OC90: variants seen among roughly 807,000 people sequenced by gnomAD.
The protein encoded by OC90 is otoconin 90.
OC90 carries 46 observed loss-of-function variants against 47.3 expected under a neutral mutation model. That is an observed-to-expected ratio of 0.97 (90% CI 0.77 to 1.24). OC90 has a LOEUF of 1.24. Among genes scored for constraint, OC90 ranks in the 50% most tolerant of loss-of-function variants. The pLI is 0.00. For missense variants in OC90, 688 were observed against 583.9 expected (o/e 1.18, Z -1.84); for synonymous variants, 271 against 219.5 (o/e 1.23, Z -2.07).
chr8:132,036,965 C>T (rs1822974583), intron 9 of OC90, among the ~76,000 whole-genome samples: 3 of 152,206 alleles, frequency 2.0e-5, no homozygotes, highest in Admixed American at 2.0e-4. Context: ...CCCATGCTTG[C>T]TCTCATTTAA....
rs140906608 is a variant in OC90, at chr8:132,045,879, G to A, written c.51C>T (p.Gly17=). Residue 17 remains glycine, a synonymous_variant, in exon 3 of 14, where the codon GGC becomes GGT. Transcript: ENST00000254627. ...GAAGATGTGGAGTGTCCAGAGGATGGCCTCCTATAAATAAGGAAGAGAAAG... is the reference window on the plus strand; with the variant it reads ...GAAGATGTGGAGTGTCCAGAGGATGACCTCCTATAAATAAGGAAGAGAAAG... The part of the protein sequence containing the change: ...TSVLMIPHAG[G]HPLDTPHLPQ... The A allele has an allele frequency of 3.5e-4, 530 of 1,533,574 alleles. 6 individuals are homozygous for A. The East Asian group carries it at 8.9e-3, about 26-fold the overall frequency. The allele number at this position is 1,533,574 out of a possible 1,614,324, so 95.0% of individuals were successfully genotyped here. A position where few individuals can be genotyped will look rare whatever the true frequency, so the allele number is the denominator to read the frequency against.
chr8:132,054,380 C>T (rs1057155038), intron 2 of OC90, among the ~76,000 whole-genome samples: 11 of 152,328 alleles, frequency 7.2e-5, no homozygotes, highest in African/African-American at 7.2e-5. Context: ...TTTTTCCTCA[C>T]AGGTGTTTCC....
chr8:132,026,304 G>A (rs748352636), intron 13 of OC90, among the ~76,000 whole-genome samples: 28 of 152,094 alleles, frequency 1.8e-4, no homozygotes, highest in Non-Finnish European at 3.7e-4. Flanking sequence ...GATTTTTTTG[G>A]CATCTAATCC....
chr8:132,050,362 C>A (rs1248145760), intron 2 of OC90, among the ~76,000 whole-genome samples: 2 of 152,140 alleles, frequency 1.3e-5, no homozygotes, highest in Non-Finnish European at 2.9e-5. Flanking sequence ...AAGACTTGTT[C>A]ACTAGGGGTG....
chr8:132,050,198 C>T (rs534932251), intron 2 of OC90, among the ~76,000 whole-genome samples: 23 of 152,174 alleles, frequency 1.5e-4, no homozygotes, highest in Non-Finnish European at 3.1e-4. Flanking sequence ...GGTCTGGAAG[C>T]AGTTGGCTGT....
At chr8:132,037,653 C>T (rs932778174) in intron 8 of OC90, among the ~76,000 whole-genome samples, 165 bp from the exon 9 acceptor site, 9 of 152,160 alleles carry the variant, frequency 5.9e-5, no homozygotes, top group African/African-American at 2.2e-4. Flanking sequence ...AGTCACTTGC[C>T]CCTGTTACTC....
intron 1 of OC90, among the ~76,000 whole-genome samples, chr8:132,057,397 C>T (rs1823291047): frequency 6.6e-6 from 1 of 152,182 alleles, no homozygotes; most frequent in Non-Finnish European, 1.5e-5. Context: ...CCATTACCTC[C>T]TTGAAACATG....
rs969658385 is a variant in OC90 at position 132,050,232 on chromosome 8, G to C, written c.47-4349C>G. Reference sequence around the variant, plus strand: ...GTGGGGAGGGCAGACTGGCAGGAAAGAAGACTGCAAAGGGAGGAGGATATC... The same window carrying C: ...GTGGGGAGGGCAGACTGGCAGGAAACAAGACTGCAAAGGGAGGAGGATATC... On this transcript the variant is annotated intron_variant, in intron 2 of 13. Transcript: ENST00000254627. 3.9e-5 allele frequency among the ~76,000 whole-genome samples: 6 copies of C among 152,322 alleles called. No individual in the cohort carries two copies. The East Asian group carries it at 1.2e-3, about 29-fold the overall frequency.
intron 8 of OC90, among the ~76,000 whole-genome samples, chr8:132,037,819 G>A (rs936810686): frequency 1.1e-4 from 17 of 152,144 alleles, no homozygotes; most frequent in African/African-American, 3.9e-4. Flanking sequence ...GGGAGGCAGG[G>A]GGTGTTGAGG....
At chr8:132,050,497 C>T (rs1017032912) in intron 2 of OC90, among the ~76,000 whole-genome samples, 1 of 152,146 alleles carries the variant, frequency 6.6e-6, no homozygotes, top group Middle Eastern at 3.2e-3. Flanking sequence ...CCACCTCTGC[C>T]TTAAGGATTC....
chr8:132,038,014 A>G (rs1289284577), intron 8 of OC90, among the ~76,000 whole-genome samples: 1 of 152,098 alleles, frequency 6.6e-6, no homozygotes, highest in Non-Finnish European at 1.5e-5. Context: ...ACAAACACCA[A>G]ACACTGCATG....
At chr8:132,038,660 A>G (rs1321480615) in intron 8 of OC90, 130 bp downstream of exon 8, 3 of 740,324 alleles carry the variant, frequency 4.1e-6, no homozygotes, top group Non-Finnish European at 7.1e-6. Context: ...CAGAGAAGGC[A>G]GGACCACTTC....
At chr8:132,050,755 C>A (rs1807745828) in intron 2 of OC90, among the ~76,000 whole-genome samples, 1 of 152,150 alleles carries the variant, frequency 6.6e-6, no homozygotes, top group Admixed American at 6.5e-5. Flanking sequence ...AATCCCAGCA[C>A]TTTGGGAGGC....
At chr8:132,037,416 A>G (rs1822984896) in intron 9 of OC90, 22 bp downstream of exon 9, 4 of 1,570,602 alleles carry the variant, frequency 2.5e-6, no homozygotes, top group Non-Finnish European at 3.5e-6. Context: ...TTTGGGTTCC[A>G]CACTAGCCCC....
intron 8 of OC90, among the ~76,000 whole-genome samples, chr8:132,038,479 A>G (rs922405251): frequency 2.0e-5 from 3 of 152,202 alleles, no homozygotes; most frequent in Non-Finnish European, 4.4e-5. Flanking sequence ...GTCACACTAC[A>G]TACCAGGGCT....
intron 10 of OC90, among the ~76,000 whole-genome samples, 194 bp from the exon 11 acceptor site, chr8:132,033,358 C>T (rs955503295): frequency 3.3e-5 from 5 of 152,142 alleles, no homozygotes; most frequent in Admixed American, 6.5e-5. Context: ...TCTATGATAA[C>T]CTTAACACTG....
rs374240005 is a variant in OC90 at position 132,042,501 on chromosome 8, A to G, written c.170-802T>C. 7.9e-5 allele frequency among the ~76,000 whole-genome samples: 12 copies of G among 152,252 alleles called. No individual in the cohort carries two copies. The East Asian group carries it at 1.2e-3, about 15-fold the overall frequency. ...ACCCAGGCAGCAAGCGCAGTACCCAACCGGGGTTTTTTCAGCCTATGACCG... is the reference window on the plus strand; with the variant it reads ...ACCCAGGCAGCAAGCGCAGTACCCAGCCGGGGTTTTTTCAGCCTATGACCG... On this transcript the variant is annotated intron_variant, in intron 4 of 13. Transcript: ENST00000254627.
chr8:132,041,821 T>C, intron 4 of OC90, 122 bp from the exon 5 acceptor site: 1 of 587,884 alleles, frequency 1.7e-6, no homozygotes, highest in East Asian at 2.9e-5. Flanking sequence ...AAGCACCTAC[T>C]CTGTAATAAA....
intron 7 of OC90, 64 bp from the exon 8 acceptor site, chr8:132,038,895 G>C: frequency 6.2e-7 from 1 of 1,603,480 alleles, no homozygotes; most frequent in Non-Finnish European, 8.5e-7. Flanking sequence ...GTTTGAAGAT[G>C]CTGGACTTGG....
Sources: allele counts gnomAD v4.1 joint callset (sites outside exome capture counted in the v4.1 genomes callset), GRCh38; gene constraint gnomAD v4.1.1; transcripts MANE v1.5; gene names NCBI Gene and HGNC (gene_info 2026-07-23, HGNC 2026-07-21).